Variants in RUNX1 observed in about 807,000 individuals in gnomAD.
The protein encoded by RUNX1 is RUNX family transcription factor 1.
RUNX1 carries 19 observed loss-of-function variants against 42.8 expected under a neutral mutation model. That is an observed-to-expected ratio of 0.44 (90% CI 0.31 to 0.65). The LOEUF (loss-of-function observed/expected upper bound fraction) is 0.65, where lower values mean the gene tolerates loss of function less well. Ranked by LOEUF, RUNX1 falls within the 30% of genes least tolerant of loss-of-function variation. RUNX1 has a pLI of 0.07. For synonymous variants in RUNX1, 271 were observed against 289.4 expected (o/e 0.94, Z 0.64); for missense variants, 528 against 672.0 (o/e 0.79, Z 2.37).
At chr21:34,848,533 C>G (rs976581463) in intron 6 of RUNX1, among the ~76,000 whole-genome samples, 1 of 152,222 alleles carries the variant, frequency 6.6e-6, no homozygotes, top group Non-Finnish European at 1.5e-5. Context: ...CTCTCGAGTT[C>G]AAGTGATTCT....
intron 8 of RUNX1, among the ~76,000 whole-genome samples, chr21:34,796,491 G>A (rs117680513): frequency 4.7e-4 from 72 of 152,284 alleles, no homozygotes; most frequent in Non-Finnish European, 9.4e-4. Context: ...GCAGAAGTGT[G>A]GGGGGAGTTG....
chr21:34,802,486 C>T (rs565628325), intron 7 of RUNX1, among the ~76,000 whole-genome samples: 1 of 152,298 alleles, frequency 6.6e-6, no homozygotes, highest in South Asian at 2.1e-4. Flanking sequence ...TTCATTTATT[C>T]ATTCATGTGT....
At chr21:34,804,682 T>C (rs777463382) in intron 7 of RUNX1, among the ~76,000 whole-genome samples, 40 of 151,744 alleles carry the variant, frequency 2.6e-4, no homozygotes, top group Admixed American at 5.9e-4. Flanking sequence ...TTAATGGCTC[T>C]AGTGGAAAAA....
chr21:34,935,013 T>A (rs1285028323), intron 2 of RUNX1, among the ~76,000 whole-genome samples: 1 of 152,242 alleles, frequency 6.6e-6, no homozygotes, highest in Non-Finnish European at 1.5e-5. Flanking sequence ...ATTCTGTCTT[T>A]ATTCTACATT....
intron 2 of RUNX1, among the ~76,000 whole-genome samples, chr21:34,956,089 G>A (rs1415679460): frequency 6.6e-6 from 1 of 152,142 alleles, no homozygotes; most frequent in Non-Finnish European, 1.5e-5. Context: ...AGCAAAAGAT[G>A]TGTTTTTGTT....
chr21:34,797,962 C>G (rs899046771), intron 8 of RUNX1: 1 of 450,688 alleles, frequency 2.2e-6, no homozygotes, highest in Non-Finnish European at 4.5e-6. Flanking sequence ...TCAGGACAGA[C>G]CCCCCCCAAC....
Position 34,792,036 on chromosome 21 carries a change from G to T in RUNX1, c.*99C>A. 1 of 777,916 alleles carries T rather than the reference G, an allele frequency of 1.3e-6. No homozygotes were observed. The highest frequency in any genetic ancestry group is 1.8e-6 in the Non-Finnish European group (1 of 541,336). 48.2% of individuals were successfully genotyped at this position (777,916 alleles called of 1,614,324 possible). On this transcript the variant is annotated 3_prime_UTR_variant, in exon 9 of 9. Transcript: ENST00000675419. The surrounding 1 kb of genome is among the most constrained non-coding windows in gnomAD (Gnocchi z 6.9). ...GGCCCCAGGACGGTGGCCGGGCCCA[G>T]GGCCCGGGATCCCGGCGGGCTTGTC...
At chr21:35,026,960 T>C (rs1353698681) in intron 2 of RUNX1, among the ~76,000 whole-genome samples, 1 of 152,240 alleles carries the variant, frequency 6.6e-6, no homozygotes, top group Non-Finnish European at 1.5e-5. Context: ...GGTTTATTTT[T>C]CGACAAACAG....
chr21:34,887,221 GGCCTTT>G (rs1414946777), intron 3 of RUNX1, 125 bp from the exon 4 acceptor site: 1 of 1,210,338 alleles, frequency 8.3e-7, no homozygotes, highest in Non-Finnish European at 1.1e-6. Flanking sequence ...CACGTTCAGG[GGCCTTT>G]ATTACTGCGG....
intron 2 of RUNX1, among the ~76,000 whole-genome samples, chr21:35,013,475 G>A (rs78097430): frequency 0.036 from 5,428 of 152,292 alleles, 131 homozygotes; most frequent in Middle Eastern, 0.068. Flanking sequence ...AAGTTATTAC[G>A]AGAGGTGAAG....
chr21:34,978,120 A>G (rs2058816872), intron 2 of RUNX1, among the ~76,000 whole-genome samples: 1 of 152,102 alleles, frequency 6.6e-6, no homozygotes, highest in Non-Finnish European at 1.5e-5. Context: ...TGTAGTTTTT[A>G]GTAGAGACGG....
chr21:34,951,540 A>C (rs1315377359), intron 2 of RUNX1, among the ~76,000 whole-genome samples: 1 of 152,242 alleles, frequency 6.6e-6, no homozygotes, highest in African/African-American at 2.4e-5. Context: ...CAAGAAAAAA[A>C]CAAACAACAC....
chr21:34,991,360 C>T (rs1168583476), intron 2 of RUNX1, among the ~76,000 whole-genome samples: 1 of 152,210 alleles, frequency 6.6e-6, no homozygotes. Context: ...AGGCGCCCTG[C>T]CCTGTGCATT....
chr21:35,035,159 T>C (rs2059298601), intron 2 of RUNX1, among the ~76,000 whole-genome samples: 1 of 152,238 alleles, frequency 6.6e-6, no homozygotes, highest in African/African-American at 2.4e-5. Context: ...TCCATGATGA[T>C]AGCGACCATG....
rs200597478 is a variant in RUNX1, at chr21:34,993,497, C to A, written c.58+55345G>T. 5.3e-3 allele frequency among the ~76,000 whole-genome samples: 632 copies of A among 119,198 alleles called. 7 individuals are homozygous for A. The highest frequency in any genetic ancestry group is 0.02 in the African/African-American group (579 of 28,546). 78.2% of individuals were successfully genotyped at this position (119,198 alleles called of 152,430 possible). A position where few individuals can be genotyped will look rare whatever the true frequency, so the allele number is the denominator to read the frequency against. ...GAGGACAATGTCTGTTTGTTTGTCC[C>A]TACACACACACACACACACACACAC... On this transcript the variant is annotated intron_variant, in intron 2 of 8. Coordinates refer to ENST00000675419, the MANE Select transcript of RUNX1 (RefSeq NM_001754.5).
rs116596323 is a variant in RUNX1 at position 34,933,491 on chromosome 21, C to T, written c.59-40528G>A. ...GAGTGGTGGGATGTTATCAATCCTTCAGCAAGTTTTGATGTTTTTTTTATG... is the reference window on the plus strand; with the variant it reads ...GAGTGGTGGGATGTTATCAATCCTTTAGCAAGTTTTGATGTTTTTTTTATG... On this transcript the variant is annotated intron_variant, in intron 2 of 8. Transcript: ENST00000675419. Among the ~76,000 whole-genome samples, 585 of 152,300 alleles carry T rather than the reference C, an allele frequency of 3.8e-3. 2 individuals carry two copies. The highest frequency in any genetic ancestry group is 0.013 in the African/African-American group (541 of 41,552).
At chr21:35,010,195 GT>G (rs35963833) in intron 2 of RUNX1, among the ~76,000 whole-genome samples, 24,306 of 151,060 alleles carry the variant, frequency 0.16, 2,209 homozygotes, top group African/African-American at 0.23. Context: ...GTTTCAAGGT[GT>G]TTTTTTTTCC....
chr21:34,887,694 G>A (rs925898544), intron 3 of RUNX1: 128 of 1,064,248 alleles, frequency 1.2e-4, no homozygotes, highest in Non-Finnish European at 1.4e-4. Flanking sequence ...GTATGTGCAC[G>A]TATATATAAA....
intron 8 of RUNX1, among the ~76,000 whole-genome samples, chr21:34,793,133 C>T (rs1190224578): frequency 6.6e-6 from 1 of 151,564 alleles, no homozygotes; most frequent in African/African-American, 2.4e-5. Flanking sequence ...ATGGGGGCTA[C>T]TGAGGATGCT....
Sources: allele counts gnomAD v4.1 joint callset (sites outside exome capture counted in the v4.1 genomes callset), GRCh38; gene constraint gnomAD v4.1.1; non-coding constraint Gnocchi (gnomAD v3.1); transcripts MANE v1.5; gene names NCBI Gene and HGNC (gene_info 2026-07-23, HGNC 2026-07-21).